SDR9C7: variants seen among roughly 807,000 people sequenced by gnomAD.
SDR9C7 encodes the protein short-chain dehydrogenase/reductase family 9C member 7.
In SDR9C7, 11 loss-of-function variants were observed where a neutral mutation model predicts 23.6. The ratio of observed to expected loss-of-function variants is 0.47; its 90% CI spans 0.29 to 0.77. The LOEUF (loss-of-function observed/expected upper bound fraction) is 0.77, where lower values mean the gene tolerates loss of function less well. SDR9C7 is among the 30% of genes least tolerant of loss of function. SDR9C7 has a pLI of 0.09. For synonymous variants in SDR9C7, 167 were observed against 157.3 expected, an observed-to-expected ratio of 1.06 and a Z score of -0.46; for missense variants, 387 against 407.1, an observed-to-expected ratio of 0.95 and a Z score of 0.42.
intron 3 of SDR9C7, among the ~76,000 whole-genome samples, chr12:56,925,963 G>A (rs1017605192): frequency 2.0e-5 from 3 of 152,176 alleles, no homozygotes; most frequent in African/African-American, 7.2e-5. Flanking sequence ...TGCTTTCATT[G>A]TTTTCTCAAA....
At chr12:56,929,351 G>GC in intron 3 of SDR9C7, 39 bp downstream of exon 3, 1 of 1,582,238 alleles carries the variant, frequency 6.3e-7, no homozygotes, top group Non-Finnish European at 8.7e-7. Context: ...AGACCCACTC[G>GC]CCCCCCTCAG....
chr12:56,934,082 C>T lies in SDR9C7; in HGVS notation c.180G>A (p.Glu60=). Residue 60 remains glutamate, a synonymous_variant, in exon 1 of 4, where the codon GAG becomes GAA. Coordinates refer to ENST00000293502, the MANE Select transcript of SDR9C7 (RefSeq NM_148897.3). ...TATCCCGCTGAAGTTTCTGGGATCC[C>T]TCCTCAGTGAAGCAAGCAGCCAGCA... is the stretch of plus-strand genomic sequence containing the variant. The part of the protein sequence containing the change: ...MQVLAACFTE[E]GSQKLQRDTS... 1 of 1,614,212 alleles carries T rather than the reference C, an allele frequency of 6.2e-7. No individual in the cohort carries two copies. The highest frequency in any genetic ancestry group is 1.3e-5 in the African/African-American group (1 of 75,056).
chr12:56,927,862 T>C (rs912615480), intron 3 of SDR9C7, among the ~76,000 whole-genome samples: 3 of 152,212 alleles, frequency 2.0e-5, no homozygotes, highest in African/African-American at 7.2e-5. Flanking sequence ...AGGTTGTACC[T>C]GAAGCTTATC....
rs771616365 is a variant in SDR9C7, at chr12:56,930,296, G to A, written c.490C>T (p.Arg164Cys). Reference protein sequence around the residue: ...RVVNMSSSGGRVAVIGGGYCV... With the variant: ...RVVNMSSSGGCVAVIGGGYCV... ...TAGCCACCACCAATGACAGCCACAC[G>A]ACCACCAGAGCTGGACATGTTGACA... Residue 164 changes from arginine (R) to cysteine (C), a missense_variant, in exon 2 of 4, where the codon CGT becomes TGT. Physicochemically the swap from Arg to Cys is radical, Grantham distance 180. Coordinates refer to ENST00000293502, the MANE Select transcript of SDR9C7 (RefSeq NM_148897.3). 3.3e-5 allele frequency: 54 copies of A among 1,613,962 alleles called. 1 individual carries two copies. Among genetic ancestry groups the A allele is most frequent in the South Asian group, 2.6e-4 (24 of 91,066 alleles).
chr12:56,932,933 C>A (rs1029534005), intron 1 of SDR9C7, among the ~76,000 whole-genome samples: 3 of 152,206 alleles, frequency 2.0e-5, no homozygotes, highest in Admixed American at 2.0e-4. Flanking sequence ...CCCTGACCTG[C>A]GCATGGGCTC....
intron 2 of SDR9C7, among the ~76,000 whole-genome samples, chr12:56,929,861 G>A (rs568105295): frequency 6.6e-6 from 1 of 151,928 alleles, no homozygotes; most frequent in East Asian, 1.9e-4. Context: ...ACACCCACAC[G>A]GTGAATGGTG....
Position 56,929,431 on chromosome 12 carries a change from T to C in SDR9C7, c.683A>G (p.Gln228Arg), listed in dbSNP as rs202221198. The change falls in exon 3 of 4, where the codon CAG (glutamine) becomes CGG (arginine). Residue 228 changes from glutamine (Q) to arginine (R), a missense_variant. Gln to Arg is a conservative substitution (Grantham distance 43, BLOSUM62 1). Transcript: ENST00000293502. ...RMRKLWERLP[Q>R]ETRDSYGEDY... ...CTCTCCGTAGCTGTCCCGGGTCTCC[T>C]GAGGCAGCCTCTCCCAAAGCTTTCG... 7.1e-5 allele frequency: 115 copies of C among 1,613,038 alleles called. 1 individual carries two copies. The highest frequency in any genetic ancestry group is 1.3e-5 in the Non-Finnish European group (15 of 1,179,152).
chr12:56,932,486 C>T (rs1955774146), intron 1 of SDR9C7, among the ~76,000 whole-genome samples: 1 of 152,174 alleles, frequency 6.6e-6, no homozygotes, highest in Non-Finnish European at 1.5e-5. Flanking sequence ...CTATTTTAGA[C>T]ATTACTCCTC....
rs2136366799 is a variant in SDR9C7 at position 56,925,958 on chromosome 12, T to C, written c.725-1908A>G. Reference sequence around the variant, plus strand: ...GGGGAATGGTATGAGGCACTTGCTTTCATTGTTTTCTCAAATAGATATTAG... The same window carrying C: ...GGGGAATGGTATGAGGCACTTGCTTCCATTGTTTTCTCAAATAGATATTAG... On this transcript the variant is annotated intron_variant, in intron 3 of 3. Coordinates refer to ENST00000293502, the MANE Select transcript of SDR9C7 (RefSeq NM_148897.3). Among the ~76,000 whole-genome samples the C allele has an allele frequency of 2.0e-5, 3 of 152,294 alleles. No individual in the cohort carries two copies. In the South Asian group the frequency reaches 6.2e-4, roughly 32 times the overall value.
rs1307613250 is a variant in SDR9C7, at chr12:56,929,389, C to T, written c.724+1G>A. On this transcript the variant is annotated splice_donor_variant, in intron 3 of 3. Coordinates refer to ENST00000293502, the MANE Select transcript of SDR9C7 (RefSeq NM_148897.3). LOFTEE classifies it high-confidence loss of function. ...ACCCCTCTCCTGCCCCAGGAACTTACAGATGCGGAAATAATCCTCTCCGTA... is the reference window on the plus strand; with the variant it reads ...ACCCCTCTCCTGCCCCAGGAACTTATAGATGCGGAAATAATCCTCTCCGTA... 6.3e-7 allele frequency: 1 copy of T among 1,595,754 alleles called. No individual in the cohort carries two copies. Among genetic ancestry groups the T allele is most frequent in the Non-Finnish European group, 8.6e-7 (1 of 1,164,472 alleles).
At chr12:56,932,336 C>T (rs1955773191) in intron 1 of SDR9C7, among the ~76,000 whole-genome samples, 1 of 152,172 alleles carries the variant, frequency 6.6e-6, no homozygotes, top group African/African-American at 2.4e-5. Flanking sequence ...CCTTGCGGGC[C>T]TTGAAGATGG....
At chr12:56,932,719 A>G (rs972459261) in intron 1 of SDR9C7, among the ~76,000 whole-genome samples, 1 of 152,236 alleles carries the variant, frequency 6.6e-6, no homozygotes, top group African/African-American at 2.4e-5. Flanking sequence ...GTACCTTACT[A>G]GGTGCCAGAC....
chr12:56,926,233 C>T (rs968503007), intron 3 of SDR9C7, among the ~76,000 whole-genome samples: 11 of 152,306 alleles, frequency 7.2e-5, no homozygotes, highest in East Asian at 1.9e-4. Context: ...TTGTACCCAG[C>T]GATGCTCTAG....
intron 3 of SDR9C7, among the ~76,000 whole-genome samples, chr12:56,926,558 G>A (rs1029546759): frequency 2.0e-5 from 3 of 152,152 alleles, no homozygotes; most frequent in Non-Finnish European, 1.5e-5. Flanking sequence ...TAATGGCAAT[G>A]GCAAAGGTTT....
In SDR9C7 at chr12:56,934,284, C is replaced by T; in HGVS notation, c.-23G>A. 1.3e-6 allele frequency: 2 copies of T among 1,597,236 alleles called. No homozygotes were observed. Among genetic ancestry groups the T allele is most frequent in the Non-Finnish European group, 1.7e-6 (2 of 1,169,932 alleles). On this transcript the variant is annotated 5_prime_UTR_variant, in exon 1 of 4. Transcript: ENST00000293502. ...CATAGGGCAAGGGGAATGTGATGGCCAAGAGGGACTGGGCTCAGGAGACAG... is the reference window on the plus strand; with the variant it reads ...CATAGGGCAAGGGGAATGTGATGGCTAAGAGGGACTGGGCTCAGGAGACAG...
chr12:56,930,351 C>T lies in SDR9C7; in HGVS notation c.435G>A (p.Leu145=), dbSNP rs1203971990. 1 of 1,614,188 alleles carries T rather than the reference C, an allele frequency of 6.2e-7. No homozygotes were observed. ...VGLIEVTLHM[L]PMVKRARGRV... ...TGCCCCGGGCTCTCTTGACCATGGGCAGCATGTGAAGGGTCACTTCGATCA... is the reference window on the plus strand; with the variant it reads ...TGCCCCGGGCTCTCTTGACCATGGGTAGCATGTGAAGGGTCACTTCGATCA... The change falls in exon 2 of 4, where the codon CTG becomes CTA. Residue 145 remains leucine (L), a synonymous_variant. Transcript: ENST00000293502.
Position 56,929,539 on chromosome 12 carries a change from T to C in SDR9C7, c.575A>G (p.Tyr192Cys), listed in dbSNP as rs749230976. The part of the protein sequence containing the change: ...FSDSIRRELY[Y>C]FGVKVCIIEP... Reference sequence around the variant, plus strand: ...AATGATGCAGACTTTCACCCCAAAGTAGTAGAGCTCACGCCTGGGAAAGAA... The same window carrying C: ...AATGATGCAGACTTTCACCCCAAAGCAGTAGAGCTCACGCCTGGGAAAGAA... The change falls in exon 3 of 4, where the codon TAC (tyrosine) becomes TGC (cysteine). Residue 192 changes from tyrosine to cysteine, a missense_variant. Physicochemically the swap from Tyr to Cys is radical, Grantham distance 194. Coordinates refer to ENST00000293502, the MANE Select transcript of SDR9C7 (RefSeq NM_148897.3). 1 of 1,604,716 alleles carries C rather than the reference T, an allele frequency of 6.2e-7. No homozygotes were observed. The highest frequency in any genetic ancestry group is 1.7e-5 in the Admixed American group (1 of 59,874).
At chr12:56,930,879 C>CCATT (rs2136369409) in intron 1 of SDR9C7, among the ~76,000 whole-genome samples, 1 of 152,306 alleles carries the variant, frequency 6.6e-6, no homozygotes, top group African/African-American at 2.4e-5. Context: ...CAAAATCAAT[C>CCATT]CATTCATTCA....
intron 1 of SDR9C7, among the ~76,000 whole-genome samples, chr12:56,932,115 A>C (rs1462993097): frequency 6.6e-6 from 1 of 152,230 alleles, no homozygotes; most frequent in Non-Finnish European, 1.5e-5. Flanking sequence ...GAACCTGTGA[A>C]TCTGCTGGAT....
Sources: gnomAD v4.1 joint callset for allele counts (sites outside exome capture counted in the v4.1 genomes callset) on GRCh38, gnomAD v4.1.1 for gene constraint, MANE v1.5 for transcripts, NCBI Gene and HGNC (gene_info 2026-07-23, HGNC 2026-07-21) for gene names.